The following GABRB1 variants were observed in gnomAD, a reference collection of about 807,000 sequenced individuals.
The protein encoded by GABRB1 is gamma-aminobutyric acid receptor subunit beta-1.
GABRB1 carries 17 observed loss-of-function variants against 51.6 expected under a neutral mutation model. The ratio of observed to expected loss-of-function variants is 0.33; its 90% confidence interval spans 0.23 to 0.49. The LOEUF (loss-of-function observed/expected upper bound fraction) is 0.49. GABRB1 is among the 20% of genes least tolerant of loss of function. The pLI, the probability that GABRB1 is intolerant of heterozygous loss-of-function variation, is 0.99. For missense variants in GABRB1, 410 were observed against 600.6 expected, an observed-to-expected ratio of 0.68 and a Z score of 3.32; for synonymous variants, 247 against 218.9, an observed-to-expected ratio of 1.13 and a Z score of -1.14.
At chr4:47,334,514 C>G (rs1044049585) in intron 5 of GABRB1, among the ~76,000 whole-genome samples, 6 of 151,998 alleles carry the variant, frequency 3.9e-5, no homozygotes, top group African/African-American at 1.4e-4. Context: ...TGGAGGACTT[C>G]CAGAAATATA....
intron 5 of GABRB1, among the ~76,000 whole-genome samples, chr4:47,385,708 T>C (rs2110033878): frequency 6.6e-6 from 1 of 152,286 alleles, no homozygotes; most frequent in South Asian, 2.1e-4. Flanking sequence ...ACAGGTTTAA[T>C]GCCTCGGTCC....
At chr4:47,322,704 C>T (rs1578093657) in intron 5 of GABRB1, among the ~76,000 whole-genome samples, 4 of 152,114 alleles carry the variant, frequency 2.6e-5, no homozygotes, top group Non-Finnish European at 5.9e-5. Context: ...GTCACGGCGG[C>T]TCACACCTGT....
At chr4:46,997,023 A>G (rs993023224) in intron 1 of GABRB1, among the ~76,000 whole-genome samples, 3 of 152,130 alleles carry the variant, frequency 2.0e-5, no homozygotes, top group Non-Finnish European at 4.4e-5. Context: ...TTTTATGTTA[A>G]TGTATTTCTC....
intron 4 of GABRB1, among the ~76,000 whole-genome samples, chr4:47,233,408 A>G (rs145827671): frequency 3.3e-5 from 5 of 152,254 alleles, no homozygotes; most frequent in African/African-American, 1.2e-4. Flanking sequence ...AGCTCTTTCT[A>G]GGTTTATCCT....
intron 4 of GABRB1, among the ~76,000 whole-genome samples, chr4:47,200,099 A>G (rs925847511): frequency 6.6e-6 from 1 of 152,210 alleles, no homozygotes; most frequent in Admixed American, 6.5e-5. Flanking sequence ...TGAGCATAGA[A>G]TTGAAGCTGG....
chr4:47,218,342 A>G (rs1395121259), intron 4 of GABRB1, among the ~76,000 whole-genome samples: 1 of 151,758 alleles, frequency 6.6e-6, no homozygotes, highest in African/African-American at 2.4e-5. Flanking sequence ...ATTTCCTTTG[A>G]AAAAACACCC....
chr4:47,010,267 A>C (rs1724546978), intron 1 of GABRB1, among the ~76,000 whole-genome samples: 1 of 152,246 alleles, frequency 6.6e-6, no homozygotes, highest in South Asian at 2.1e-4. Context: ...ATGTTATCTG[A>C]GCAACAAACT....
intron 4 of GABRB1, among the ~76,000 whole-genome samples, chr4:47,286,051 C>T (rs1355001316): frequency 6.6e-6 from 1 of 152,154 alleles, no homozygotes; most frequent in Non-Finnish European, 1.5e-5. Flanking sequence ...AGACAAAAAT[C>T]CAAATTACTA....
intron 3 of GABRB1, among the ~76,000 whole-genome samples, chr4:47,144,800 G>T (rs1257684004): frequency 6.7e-6 from 1 of 148,662 alleles, no homozygotes; most frequent in Non-Finnish European, 1.5e-5. Flanking sequence ...AGTGTGTCAT[G>T]CTTGCCTCAT....
intron 4 of GABRB1, among the ~76,000 whole-genome samples, chr4:47,262,466 G>C (rs1175284532): frequency 6.6e-6 from 1 of 152,226 alleles, no homozygotes; most frequent in African/African-American, 2.4e-5. Flanking sequence ...CTGGCCATCA[G>C]AGAAATGCAA....
At chr4:47,338,376 A>C (rs1725771907) in intron 5 of GABRB1, among the ~76,000 whole-genome samples, 1 of 152,220 alleles carries the variant, frequency 6.6e-6, no homozygotes, top group South Asian at 2.1e-4. Context: ...AAAAGCTTAC[A>C]TTCCCAAAGT....
intron 3 of GABRB1, among the ~76,000 whole-genome samples, chr4:47,069,061 T>G (rs981208262): frequency 6.6e-6 from 1 of 152,156 alleles, no homozygotes; most frequent in African/African-American, 2.4e-5. Context: ...TTCCTCCATT[T>G]CCATTTTTGG....
chr4:47,143,256 T>G (rs1024483194), intron 3 of GABRB1, among the ~76,000 whole-genome samples: 8 of 151,882 alleles, frequency 5.3e-5, no homozygotes, highest in African/African-American at 1.9e-4. Context: ...TTTTCTCTAT[T>G]TTAACATGCC....
intron 4 of GABRB1, among the ~76,000 whole-genome samples, chr4:47,284,640 A>T (rs1160059148): frequency 6.6e-6 from 1 of 152,216 alleles, no homozygotes; most frequent in Non-Finnish European, 1.5e-5. Flanking sequence ...AGTAATCCTA[A>T]AGTGGCTTTT....
chr4:47,082,447 TTG>T (rs1256619250), intron 3 of GABRB1, among the ~76,000 whole-genome samples: 2 of 152,090 alleles, frequency 1.3e-5, no homozygotes, highest in Non-Finnish European at 2.9e-5. Flanking sequence ...CACTAAAGCT[TTG>T]TACTAGATGT....
At chr4:47,382,543 G>C (rs1182824700) in intron 5 of GABRB1, among the ~76,000 whole-genome samples, 1 of 152,150 alleles carries the variant, frequency 6.6e-6, no homozygotes, top group Non-Finnish European at 1.5e-5. Context: ...TGTAAGTCAG[G>C]TAGCACAGAT....
chr4:47,171,404 T>C (rs1718430659), intron 4 of GABRB1, among the ~76,000 whole-genome samples: 1 of 152,156 alleles, frequency 6.6e-6, no homozygotes, highest in African/African-American at 2.4e-5. Context: ...ACACCACTTC[T>C]TGAGAAGATG....
At chr4:47,110,924 G>C (rs1323551220) in intron 3 of GABRB1, among the ~76,000 whole-genome samples, 1 of 151,976 alleles carries the variant, frequency 6.6e-6, no homozygotes, top group Non-Finnish European at 1.5e-5. Context: ...GAAGAAGCTG[G>C]GTAAGTTTCA....
intron 4 of GABRB1, among the ~76,000 whole-genome samples, chr4:47,221,394 T>TTA (rs992854730): frequency 6.6e-6 from 1 of 152,034 alleles, no homozygotes; most frequent in African/African-American, 2.4e-5. Context: ...CTTTGCCCAA[T>TTA]TATATAGAAA....
Sources: gnomAD v4.1 joint callset for allele counts (sites outside exome capture counted in the v4.1 genomes callset) on GRCh38, gnomAD v4.1.1 for gene constraint, MANE v1.5 for transcripts, NCBI Gene and HGNC (gene_info 2026-07-23, HGNC 2026-07-21) for gene names.